ROBO1: variants seen among roughly 807,000 people sequenced by gnomAD.
ROBO1 encodes the protein roundabout guidance receptor 1, also known as roundabout homolog 1.
Under a neutral mutation model 195.9 loss-of-function variants are expected in ROBO1, and 149 were observed. The observed-to-expected ratio is 0.76, with a 90% CI of 0.67 to 0.87. ROBO1 has a LOEUF of 0.87. Ranked by LOEUF, ROBO1 falls within the 40% of genes least tolerant of loss-of-function variation. The pLI is 0.00. For missense variants in ROBO1, 1,933 were observed against 2,068.3 expected (o/e 0.93, Z 1.27); for synonymous variants, 816 against 733.2 (o/e 1.11, Z -1.82).
chr3:78,907,884 T>C (rs547623368), intron 4 of ROBO1, among the ~76,000 whole-genome samples: 2 of 152,036 alleles, frequency 1.3e-5, no homozygotes, highest in South Asian at 4.1e-4. Context: ...ATTTTTAAAG[T>C]GAATAACTCC....
intron 4 of ROBO1, among the ~76,000 whole-genome samples, chr3:78,773,912 T>C (rs1049873913): frequency 1.3e-5 from 2 of 152,248 alleles, no homozygotes; most frequent in Non-Finnish European, 2.9e-5. Context: ...CAATGTCTTG[T>C]TTATCTCTGG....
At chr3:78,673,562 TTATATATATATATATATA>T (rs1166250669) in intron 10 of ROBO1, among the ~76,000 whole-genome samples, 3,137 of 63,396 alleles carry the variant, frequency 0.049, 220 homozygotes, top group African/African-American at 0.15. Context: ...TACATATATT[TTATATATATATATATATA>T]TATATATATA....
chr3:79,430,011 A>T (rs2107017875), intron 2 of ROBO1, among the ~76,000 whole-genome samples: 1 of 151,502 alleles, frequency 6.6e-6, no homozygotes, highest in South Asian at 2.1e-4. Context: ...TCCTTTTTTA[A>T]CTTTTTTATT....
At chr3:79,458,148 T>C (rs2039682131) in intron 2 of ROBO1, among the ~76,000 whole-genome samples, 1 of 152,046 alleles carries the variant, frequency 6.6e-6, no homozygotes, top group Non-Finnish European at 1.5e-5. Context: ...TGATTATGCC[T>C]AGAAGATGAA....
At position 78,791,364 on chromosome 3, in the gene ROBO1, C is replaced by CA. The variant is rs753273412; in HGVS notation, c.500-44465dup. 5.7e-4 allele frequency among the ~76,000 whole-genome samples: 86 copies of CA among 152,008 alleles called. 1 individual carries two copies. The highest frequency in any genetic ancestry group is 1.5e-3 in the South Asian group (7 of 4,824). On this transcript the variant is annotated intron_variant, in intron 4 of 30. Transcript: ENST00000464233. ...TAATAAAAAGAGCAGTAAGGCACGG[C>CA]AAAAAATGTCCTTTGCTTCAAATAA...
chr3:78,899,799 C>T (rs2037474556), intron 4 of ROBO1, among the ~76,000 whole-genome samples: 1 of 151,666 alleles, frequency 6.6e-6, no homozygotes, highest in African/African-American at 2.4e-5. Flanking sequence ...ATAATATTAC[C>T]TAAAAAAAAC....
At chr3:78,855,478 T>C (rs563874680) in intron 4 of ROBO1, among the ~76,000 whole-genome samples, 28 of 152,316 alleles carry the variant, frequency 1.8e-4, no homozygotes, top group South Asian at 6.2e-4. Flanking sequence ...CTGGATAGAT[T>C]ATTTGCTTTA....
At chr3:79,452,243 T>C (rs548492758) in intron 2 of ROBO1, among the ~76,000 whole-genome samples, 93 of 152,104 alleles carry the variant, frequency 6.1e-4, no homozygotes, top group Non-Finnish European at 1.0e-3. Context: ...CCCACTGCTC[T>C]TAAATAAATA....
At chr3:79,696,419 A>G (rs1013395272) in intron 1 of ROBO1, among the ~76,000 whole-genome samples, 1 of 149,844 alleles carries the variant, frequency 6.7e-6, no homozygotes, top group African/African-American at 2.4e-5. Flanking sequence ...ATAACTTGGC[A>G]TAAGTGAATT....
At chr3:78,912,230 G>T (rs2038285188) in intron 4 of ROBO1, among the ~76,000 whole-genome samples, 1 of 152,012 alleles carries the variant, frequency 6.6e-6, no homozygotes, top group Non-Finnish European at 1.5e-5. Context: ...TTTATGCTGT[G>T]CCACGAGCTG....
At chr3:78,776,234 A>T (rs1290130382) in intron 4 of ROBO1, among the ~76,000 whole-genome samples, 1 of 147,202 alleles carries the variant, frequency 6.8e-6, no homozygotes, top group Admixed American at 6.9e-5. Context: ...ACTTGTGAAG[A>T]AATTCTTATT....
intron 1 of ROBO1, among the ~76,000 whole-genome samples, chr3:79,683,858 C>T (rs1477840472): frequency 6.6e-6 from 1 of 151,936 alleles, no homozygotes; most frequent in Non-Finnish European, 1.5e-5. Flanking sequence ...AGATGATATA[C>T]ATTTAGGTTA....
rs1464955917 is a variant in ROBO1, at chr3:79,709,637, T to C, written c.-51+58115A>G. Among the ~76,000 whole-genome samples the C allele has an allele frequency of 2.0e-5, 3 of 151,472 alleles. No individual in the cohort carries two copies. The East Asian group carries it at 5.8e-4, about 29-fold the overall frequency. On this transcript the variant is annotated intron_variant, in intron 1 of 30. Coordinates refer to ENST00000464233, the MANE Select transcript of ROBO1 (RefSeq NM_002941.4). ...ACTACTTTTACTAGACACTAGATAC[T>C]GGATGTCACAATAACTACATTCTGC...
intron 4 of ROBO1, among the ~76,000 whole-genome samples, chr3:78,826,377 C>T (rs2031604629): frequency 6.6e-6 from 1 of 152,122 alleles, no homozygotes. Flanking sequence ...TAATTTGCTT[C>T]ATTTTGAGGC....
At chr3:79,338,948 C>A (rs2034795746) in intron 2 of ROBO1, among the ~76,000 whole-genome samples, 2 of 152,126 alleles carry the variant, frequency 1.3e-5, no homozygotes, top group South Asian at 4.1e-4. Flanking sequence ...ATCCCTCCAG[C>A]CTTTCTCTTT....
At chr3:79,154,605 T>C (rs112605781) in intron 2 of ROBO1, among the ~76,000 whole-genome samples, 247 of 151,878 alleles carry the variant, frequency 1.6e-3, no homozygotes, top group African/African-American at 5.5e-3. Context: ...GATGCAGATA[T>C]CAGCCTCTTT....
At chr3:79,010,314 A>G (rs2077743838) in intron 3 of ROBO1, among the ~76,000 whole-genome samples, 1 of 152,136 alleles carries the variant, frequency 6.6e-6, no homozygotes, top group African/African-American at 2.4e-5. Flanking sequence ...TCACTCTACT[A>G]CTTTGACTGG....
chr3:79,562,683 A>G (rs1398434857), intron 2 of ROBO1, among the ~76,000 whole-genome samples: 1 of 152,110 alleles, frequency 6.6e-6, no homozygotes, highest in Non-Finnish European at 1.5e-5. Flanking sequence ...TCATAAAATC[A>G]AAACAACAAC....
intron 1 of ROBO1, among the ~76,000 whole-genome samples, chr3:79,668,744 C>T (rs1372150558): frequency 6.6e-6 from 1 of 151,636 alleles, no homozygotes; most frequent in Non-Finnish European, 1.5e-5. Flanking sequence ...ACTGACTTGG[C>T]AACCTAAATG....
Sources: allele counts gnomAD v4.1 joint callset (sites outside exome capture counted in the v4.1 genomes callset), GRCh38; gene constraint gnomAD v4.1.1; transcripts MANE v1.5; gene names NCBI Gene and HGNC (gene_info 2026-07-23, HGNC 2026-07-21).